Variants in VPS13B observed in about 807,000 individuals in gnomAD.
VPS13B encodes the protein vacuolar protein sorting 13 homolog B.
VPS13B carries 285 observed loss-of-function variants against 426.4 expected under a neutral mutation model. The observed-to-expected ratio is 0.67, with a 90% CI of 0.61 to 0.74. VPS13B has a LOEUF of 0.74. Among genes scored for constraint, VPS13B ranks in the 30% least tolerant of loss-of-function variants. VPS13B has a pLI of 0.00. For synonymous variants in VPS13B, 1,676 were observed against 1,676.4 expected, an observed-to-expected ratio of 1.00 and a Z score of 0.01; for missense variants, 4,537 against 4,782.6, an observed-to-expected ratio of 0.95 and a Z score of 1.51.
At chr8:99,369,142 T>C (rs1457877171) in intron 19 of VPS13B, among the ~76,000 whole-genome samples, 1 of 152,176 alleles carries the variant, frequency 6.6e-6, no homozygotes, top group East Asian at 1.9e-4. Flanking sequence ...ATTTTATAAT[T>C]GTTTATTGCT....
At chr8:99,862,032 GCCT>G in intron 58 of VPS13B, 86 bp downstream of exon 58, 1 of 1,435,710 alleles carries the variant, frequency 7.0e-7, no homozygotes. Flanking sequence ...TTCGCCTTCT[GCCT>G]GGGAATGACC....
At chr8:99,102,532 T>C (rs1403278756) in intron 4 of VPS13B, among the ~76,000 whole-genome samples, 1 of 152,180 alleles carries the variant, frequency 6.6e-6, no homozygotes, top group Non-Finnish European at 1.5e-5. Flanking sequence ...AGGCTTAAGC[T>C]TAAAGAAGAC....
chr8:99,354,149 A>G (rs1209828460), intron 19 of VPS13B, among the ~76,000 whole-genome samples: 2 of 151,324 alleles, frequency 1.3e-5, no homozygotes, highest in African/African-American at 4.9e-5. Flanking sequence ...AGACTTGGAT[A>G]GTATTTGGAA....
At chr8:99,692,775 C>G (rs1831742392) in intron 35 of VPS13B, among the ~76,000 whole-genome samples, 1 of 146,850 alleles carries the variant, frequency 6.8e-6, no homozygotes, top group Non-Finnish European at 1.5e-5. Context: ...TTGAAAGGAT[C>G]AACAAAATTG....
intron 35 of VPS13B, among the ~76,000 whole-genome samples, chr8:99,683,034 G>T (rs1037917835): frequency 6.6e-6 from 1 of 152,070 alleles, no homozygotes; most frequent in African/African-American, 2.4e-5. Context: ...GATTCATTTT[G>T]AGTTAATTTT....
At chr8:99,335,187 T>C (rs1810766776) in intron 19 of VPS13B, among the ~76,000 whole-genome samples, 1 of 152,214 alleles carries the variant, frequency 6.6e-6, no homozygotes, top group Non-Finnish European at 1.5e-5. Context: ...TGTATTTCTT[T>C]GGGATCGGTG....
intron 35 of VPS13B, chr8:99,697,075 C>A: frequency 1.9e-6 from 1 of 536,730 alleles, no homozygotes; most frequent in South Asian, 1.9e-5. Flanking sequence ...TATCGCTACT[C>A]ATCCTGTCCC....
rs7841041 is a variant in VPS13B at position 99,741,737 on chromosome 8, C to A, written c.7050+20690C>A. Among the ~76,000 whole-genome samples, 522 of 152,142 alleles carry A rather than the reference C, an allele frequency of 3.4e-3. 5 individuals are homozygous for A. Among genetic ancestry groups the A allele is most frequent in the African/African-American group, 0.012 (499 of 41,460 alleles). The stretch of plus-strand genomic sequence containing the variant: ...TCCTGAATGACTACTGGGTACATAA[C>A]GAAATGAAGGCAGAAATAAAGATGT... On this transcript the variant is annotated intron_variant, in intron 39 of 61. Transcript: ENST00000357162.
chr8:99,792,487 C>G (rs1812590563), intron 43 of VPS13B, among the ~76,000 whole-genome samples: 1 of 152,044 alleles, frequency 6.6e-6, no homozygotes, highest in Admixed American at 6.6e-5. Context: ...AGATTAAAAA[C>G]CCTAAAAGAG....
At chr8:99,164,574 A>G (rs1387896237) in intron 15 of VPS13B, among the ~76,000 whole-genome samples, 2 of 152,236 alleles carry the variant, frequency 1.3e-5, no homozygotes, top group Non-Finnish European at 2.9e-5. Flanking sequence ...CTGTCTGAGA[A>G]GCAAATATGG....
At chr8:99,206,143 C>T (rs1365716671) in intron 17 of VPS13B, among the ~76,000 whole-genome samples, 2 of 152,088 alleles carry the variant, frequency 1.3e-5, no homozygotes, top group Non-Finnish European at 2.9e-5. Context: ...TTTGGTTTTG[C>T]TCTGGAAAAC....
At chr8:99,068,663 T>G (rs1270632082) in intron 3 of VPS13B, among the ~76,000 whole-genome samples, 1 of 152,154 alleles carries the variant, frequency 6.6e-6, no homozygotes, top group Non-Finnish European at 1.5e-5. Context: ...AAACTTACAA[T>G]TATGGCAGAA....
intron 2 of VPS13B, among the ~76,000 whole-genome samples, chr8:99,034,429 A>T (rs201078755): frequency 2.6e-4 from 29 of 112,760 alleles, no homozygotes; most frequent in African/African-American, 4.5e-4. Flanking sequence ...TTTTTTTTTT[A>T]AATTCTCTAT....
intron 17 of VPS13B, among the ~76,000 whole-genome samples, chr8:99,203,022 C>T (rs2132763562): frequency 6.8e-6 from 1 of 147,020 alleles, no homozygotes; most frequent in South Asian, 2.2e-4. Context: ...GCACTCCAGC[C>T]TGGGCGACGG....
At chr8:99,780,670 A>G (rs888277728) in intron 42 of VPS13B, among the ~76,000 whole-genome samples, 1 of 152,184 alleles carries the variant, frequency 6.6e-6, no homozygotes, top group Non-Finnish European at 1.5e-5. Flanking sequence ...GGCAACGTTA[A>G]CATGAGCCAC....
intron 19 of VPS13B, among the ~76,000 whole-genome samples, chr8:99,350,716 T>A (rs1383857526): frequency 6.6e-6 from 1 of 152,076 alleles, no homozygotes; most frequent in Non-Finnish European, 1.5e-5. Flanking sequence ...TGGATAGGAT[T>A]TGTAAAGTGA....
intron 17 of VPS13B, among the ~76,000 whole-genome samples, chr8:99,260,052 A>G (rs1013512464): frequency 6.6e-6 from 1 of 152,044 alleles, no homozygotes; most frequent in Non-Finnish European, 1.5e-5. Flanking sequence ...GAATTTTTAT[A>G]ATGAAAGAAT....
intron 36 of VPS13B, among the ~76,000 whole-genome samples, chr8:99,700,343 T>C (rs1832215343): frequency 6.6e-6 from 1 of 152,214 alleles, no homozygotes; most frequent in Non-Finnish European, 1.5e-5. Flanking sequence ...ACCCCACCCA[T>C]GACCTACTAA....
At chr8:99,674,810 TC>T (rs1419247016) in intron 35 of VPS13B, among the ~76,000 whole-genome samples, 2 of 152,114 alleles carry the variant, frequency 1.3e-5, no homozygotes, top group African/African-American at 4.8e-5. Context: ...TAACAATTTA[TC>T]TTTGATCATG....
Sources: allele counts gnomAD v4.1 joint callset (sites outside exome capture counted in the v4.1 genomes callset), GRCh38; gene constraint gnomAD v4.1.1; transcripts MANE v1.5; gene names NCBI Gene and HGNC (gene_info 2026-07-23, HGNC 2026-07-21).